The following THEMIS variants were observed in gnomAD, a reference collection of about 807,000 sequenced individuals.
THEMIS encodes protein THEMIS.
In THEMIS, 37 loss-of-function variants were observed where a neutral mutation model predicts 52.6. That is an observed-to-expected ratio of 0.70 (90% CI 0.54 to 0.93). The LOEUF is 0.93. THEMIS is among the 40% of genes least tolerant of loss of function. The pLI is 0.00. For missense variants in THEMIS, 808 were observed against 763.1 expected, an observed-to-expected ratio of 1.06 and a Z score of -0.69; for synonymous variants, 292 against 272.7, an observed-to-expected ratio of 1.07 and a Z score of -0.70.
chr6:127,825,804 T>G (rs1266329484), intron 3 of THEMIS, among the ~76,000 whole-genome samples: 1 of 151,734 alleles, frequency 6.6e-6, no homozygotes, highest in Non-Finnish European at 1.5e-5. Context: ...TTTGAAAAAT[T>G]ACACTGAGTG....
intron 4 of THEMIS, among the ~76,000 whole-genome samples, chr6:127,727,057 G>A (rs923672311): frequency 2.0e-5 from 3 of 152,110 alleles, no homozygotes; most frequent in East Asian, 1.9e-4. Flanking sequence ...AATAATTTGC[G>A]ATTTTAGAGA....
chr6:127,699,479 C>T, the THEMIS span, among the ~76,000 whole-genome samples: 2 of 149,180 alleles, frequency 1.3e-5, no homozygotes, highest in Non-Finnish European at 3.0e-5. Context: ...TGATGTGGCT[C>T]CTGAATTTCA....
Position 127,908,276 on chromosome 6 carries a change from A to G in THEMIS, c.-149-7195T>C, listed in dbSNP as rs182260869. On this transcript the variant is annotated intron_variant, in intron 1 of 6. Transcript: ENST00000368250. ...ACTGAGAATATAAGCCCTTAGAGAC[A>G]TTACATTTTAGCTGACCATGCCCAC... 1.7e-3 allele frequency among the ~76,000 whole-genome samples: 260 copies of G among 152,250 alleles called. 1 individual carries two copies. The highest frequency in any genetic ancestry group is 6.1e-3 in the African/African-American group (253 of 41,558).
intron 3 of THEMIS, among the ~76,000 whole-genome samples, chr6:127,817,088 T>C (rs1778160649): frequency 1.3e-5 from 2 of 152,238 alleles, no homozygotes; most frequent in Non-Finnish European, 2.9e-5. Context: ...TCATTCCATA[T>C]AACTTGTTAA....
intron 4 of THEMIS, among the ~76,000 whole-genome samples, chr6:127,786,508 C>A (rs1776953393): frequency 1.3e-5 from 2 of 152,278 alleles, no homozygotes; most frequent in South Asian, 4.1e-4. Context: ...CTGATACTGA[C>A]AGCCAGTGTT....
chr6:127,886,977 C>T (rs1780665354), intron 1 of THEMIS, among the ~76,000 whole-genome samples: 2 of 151,874 alleles, frequency 1.3e-5, no homozygotes, highest in Non-Finnish European at 2.9e-5. Flanking sequence ...GGTTAGGTAA[C>T]ATGATACCAA....
At chr6:127,744,675 A>T (rs545301617) in intron 4 of THEMIS, among the ~76,000 whole-genome samples, 1 of 152,144 alleles carries the variant, frequency 6.6e-6, no homozygotes, top group Non-Finnish European at 1.5e-5. Flanking sequence ...AGGGGATAAG[A>T]GGAGACATGA....
chr6:127,854,285 C>T (rs923734481), intron 2 of THEMIS, among the ~76,000 whole-genome samples: 5 of 151,770 alleles, frequency 3.3e-5, no homozygotes, highest in African/African-American at 4.8e-5. Flanking sequence ...TGCTTTCGTG[C>T]TACCACATAA....
chr6:127,753,552 A>C (rs1775719900), intron 4 of THEMIS, among the ~76,000 whole-genome samples: 1 of 152,070 alleles, frequency 6.6e-6, no homozygotes, highest in African/African-American at 2.4e-5. Flanking sequence ...AATGTATTAG[A>C]AGAAATAGAA....
chr6:127,913,597 T>C (rs984633337), intron 1 of THEMIS, among the ~76,000 whole-genome samples: 1 of 152,228 alleles, frequency 6.6e-6, no homozygotes, highest in Admixed American at 6.5e-5. Context: ...AATAGAATCA[T>C]GACCAGACCT....
At chr6:127,864,831 A>G (rs1779922494) in intron 1 of THEMIS, among the ~76,000 whole-genome samples, 1 of 152,290 alleles carries the variant, frequency 6.6e-6, no homozygotes, top group East Asian at 1.9e-4. Context: ...TAGGACTCAT[A>G]GAAGTCAGAA....
chr6:127,764,805 A>T (rs1200185919), intron 4 of THEMIS, among the ~76,000 whole-genome samples: 1 of 152,000 alleles, frequency 6.6e-6, no homozygotes, highest in Admixed American at 6.6e-5. Flanking sequence ...TTTCCTGAAG[A>T]TTAACATAAA....
At chr6:127,733,209 A>G (rs554369711) in intron 4 of THEMIS, among the ~76,000 whole-genome samples, 3 of 152,150 alleles carry the variant, frequency 2.0e-5, no homozygotes, top group East Asian at 3.9e-4. Flanking sequence ...TTTTGTATTG[A>G]CTGATAACAT....
intron 4 of THEMIS, among the ~76,000 whole-genome samples, chr6:127,755,852 C>A (rs9491865): frequency 6.6e-6 from 1 of 151,908 alleles, no homozygotes; most frequent in East Asian, 1.9e-4. Context: ...AATGGAGAAA[C>A]CCTGTCTCTA....
intron 4 of THEMIS, among the ~76,000 whole-genome samples, chr6:127,774,186 C>T (rs1776479161): frequency 6.6e-6 from 1 of 152,202 alleles, no homozygotes; most frequent in Non-Finnish European, 1.5e-5. Flanking sequence ...ACCTACCAGT[C>T]CTTCTTAATT....
At chr6:127,901,647 A>C (rs1781137282), upstream of THEMIS, among the ~76,000 whole-genome samples, 1 of 152,068 alleles carries the variant, frequency 6.6e-6, no homozygotes, top group Admixed American at 6.6e-5. Flanking sequence ...TGAGTTTTCT[A>C]ATCTCTACAC....
intron 4 of THEMIS, among the ~76,000 whole-genome samples, chr6:127,733,436 C>A (rs997536929): frequency 4.6e-5 from 7 of 152,130 alleles, no homozygotes; most frequent in Non-Finnish European, 8.8e-5. Flanking sequence ...AGAACTTAAC[C>A]AGGTTCATTG....
Position 127,857,755 on chromosome 6 carries a change from T to C in THEMIS, c.92-2567A>G, listed in dbSNP as rs538265436. 1.0e-3 allele frequency among the ~76,000 whole-genome samples: 159 copies of C among 152,104 alleles called. 2 individuals are homozygous for C. Among genetic ancestry groups the C allele is most frequent in the Middle Eastern group, 3.4e-3 (1 of 294 alleles). ...TGTTTTTAACAAGATCCCTAGATGA[T>C]TTATAAGGACATTAAGGTTTGCAAA... is the stretch of plus-strand genomic sequence containing the variant. On this transcript the variant is annotated intron_variant, in intron 1 of 5. Transcript: ENST00000368248.
intron 4 of THEMIS, among the ~76,000 whole-genome samples, chr6:127,744,860 C>T (rs1433238303): frequency 6.6e-6 from 1 of 151,774 alleles, no homozygotes; most frequent in Non-Finnish European, 1.5e-5. Context: ...CACACACACA[C>T]ATTAGCAAAA....
Sources: gnomAD v4.1 joint callset for allele counts (sites outside exome capture counted in the v4.1 genomes callset) on GRCh38, gnomAD v4.1.1 for gene constraint, MANE v1.5 for transcripts, NCBI Gene and HGNC (gene_info 2026-07-23, HGNC 2026-07-21) for gene names.